KIAA1671: variants seen among roughly 807,000 people sequenced by gnomAD.
KIAA1671 encodes the protein KIAA1671, also known as uncharacterized protein KIAA1671.
Under a neutral mutation model 131.2 loss-of-function variants are expected in KIAA1671, and 52 were observed. The ratio of observed to expected loss-of-function variants is 0.40; its 90% CI spans 0.32 to 0.50. KIAA1671 has a LOEUF of 0.50. Among genes scored for constraint, KIAA1671 ranks in the 20% least tolerant of loss-of-function variants. KIAA1671 has a pLI of 0.73. For missense variants in KIAA1671, 2,360 were observed against 2,364.2 expected (o/e 1.00, Z 0.04); for synonymous variants, 1,003 against 961.6 (o/e 1.04, Z -0.80).
At chr22:25,048,728 G>T (rs1044478332) in intron 5 of KIAA1671, among the ~76,000 whole-genome samples, 2 of 152,188 alleles carry the variant, frequency 1.3e-5, no homozygotes, top group African/African-American at 4.8e-5. Context: ...GTCTATGCAT[G>T]TGTGTTTGGG....
At chr22:25,067,265 T>C (rs1429011110) in intron 6 of KIAA1671, among the ~76,000 whole-genome samples, 6 of 149,436 alleles carry the variant, frequency 4.0e-5, no homozygotes, top group Non-Finnish European at 7.4e-5. Flanking sequence ...ACTCGCCGGG[T>C]CTTGGACCTT....
rs550786666 is a variant in KIAA1671 at position 24,957,393 on chromosome 22, T to C, written c.-208+4621T>C. Among the ~76,000 whole-genome samples the C allele has an allele frequency of 5.9e-5, 9 of 152,226 alleles. No homozygotes were observed. The South Asian group carries it at 1.9e-3, about 32-fold the overall frequency. Reference sequence around the variant, plus strand: ...AAGTTAGACCATGGGCAGCAAAAATTCCTTTTATACCCCAGACACTCCCTG... The same window carrying C: ...AAGTTAGACCATGGGCAGCAAAAATCCCTTTTATACCCCAGACACTCCCTG... On this transcript the variant is annotated intron_variant, in intron 1 of 12. Coordinates refer to ENST00000358431, the MANE Select transcript of KIAA1671 (RefSeq NM_001145206.2).
In KIAA1671 at chr22:25,177,355, C is replaced by T. The variant is rs905081861; in HGVS notation, c.4907C>T (p.Ser1636Leu). ...TCCCTGCTGCTCCCAAAGCAAACCT[C>T]AGTCCTCGACTCAAGTGCCCTCAAG... is the stretch of plus-strand genomic sequence containing the variant. ...VDDFSFIDQT[S>L]VLDSSALKTR... is the part of the protein sequence containing the mutation. Residue 1636 changes from serine to leucine, a missense_variant, in exon 9 of 13, where the codon TCA becomes TTA. Coordinates refer to ENST00000358431, the MANE Select transcript of KIAA1671 (RefSeq NM_001145206.2). The T allele has an allele frequency of 7.7e-6, 12 of 1,549,240 alleles. No homozygotes were observed. The highest frequency in any genetic ancestry group is 1.0e-5 in the Non-Finnish European group (12 of 1,145,614).
chr22:24,960,973 G>C (rs1311902305), intron 1 of KIAA1671, among the ~76,000 whole-genome samples: 1 of 152,124 alleles, frequency 6.6e-6, no homozygotes, highest in Non-Finnish European at 1.5e-5. Flanking sequence ...GTTCTTATAA[G>C]TGACAACATT....
Position 25,028,828 on chromosome 22 carries a change from G to C in KIAA1671, c.829G>C (p.Val277Leu). The C allele has an allele frequency of 6.4e-7, 1 of 1,550,972 alleles. No homozygotes were observed. Among genetic ancestry groups the C allele is most frequent in the Non-Finnish European group, 8.7e-7 (1 of 1,146,874 alleles). ...VPPTPPEKTW[V>L]RKPRPLSMDL... is the part of the protein sequence containing the mutation. ...ACCCACCCCTCCCGAGAAGACGTGGGTGAGGAAGCCCAGGCCCTTGTCCAT... is the reference window on the plus strand; with the variant it reads ...ACCCACCCCTCCCGAGAAGACGTGGCTGAGGAAGCCCAGGCCCTTGTCCAT... Residue 277 changes from valine (V) to leucine (L), a missense_variant, in exon 3 of 13, where the codon GTG (valine) becomes CTG (leucine). Val to Leu is a conservative substitution (Grantham distance 32). Coordinates refer to ENST00000358431, the MANE Select transcript of KIAA1671 (RefSeq NM_001145206.2).
At position 25,134,442 on chromosome 22, in the gene KIAA1671, G is replaced by C. The variant is rs182419419; in HGVS notation, c.4531-36378G>C. Among the ~76,000 whole-genome samples, 327 of 151,952 alleles carry C rather than the reference G, an allele frequency of 2.2e-3. 1 individual carries two copies. The highest frequency in any genetic ancestry group is 7.2e-3 in the African/African-American group (298 of 41,414). ...ACTTTTATAGGCATGTGATGCATAC[G>C]GTTTTTTCATTATTGTTTTTAAAAG... is the stretch of plus-strand genomic sequence containing the variant. On this transcript the variant is annotated intron_variant, in intron 6 of 12. Coordinates refer to ENST00000358431, the MANE Select transcript of KIAA1671 (RefSeq NM_001145206.2).
Position 25,028,813 on chromosome 22 carries a change from C to T in KIAA1671, c.814C>T (p.Pro272Ser). 2 of 1,551,054 alleles carry T rather than the reference C, an allele frequency of 1.3e-6. No individual in the cohort carries two copies. Among genetic ancestry groups the T allele is most frequent in the South Asian group, 1.2e-5 (1 of 84,020 alleles). ...ATVGKVPPTP[P>S]EKTWVRKPRP... is the part of the protein sequence containing the mutation. ...AGTGGGCAAAGTGCCACCCACCCCTCCCGAGAAGACGTGGGTGAGGAAGCC... is the reference window on the plus strand; with the variant it reads ...AGTGGGCAAAGTGCCACCCACCCCTTCCGAGAAGACGTGGGTGAGGAAGCC... The change falls in exon 3 of 13, where the codon CCC (proline) becomes TCC (serine). Residue 272 changes from proline to serine, a missense_variant. Physicochemically the swap from Pro to Ser is moderately conservative, Grantham distance 74 (BLOSUM62 -1). Around this residue, in one of 3 missense-constraint regions of KIAA1671, gnomAD observed 1,185 missense variants for 1,126.2 expected, o/e 1.05. Coordinates refer to ENST00000358431, the MANE Select transcript of KIAA1671 (RefSeq NM_001145206.2).
At chr22:25,178,787 CCT>C (rs1330152930) in intron 9 of KIAA1671, among the ~76,000 whole-genome samples, 1 of 151,988 alleles carries the variant, frequency 6.6e-6, no homozygotes, top group Non-Finnish European at 1.5e-5. Flanking sequence ...CCACCCACCC[CCT>C]GCCAGTTCAA....
At chr22:25,000,184 GTTTTTTTTTTTTTTT>G (rs1184771280) in intron 1 of KIAA1671, among the ~76,000 whole-genome samples, 4 of 62,166 alleles carry the variant, frequency 6.4e-5, no homozygotes, top group Admixed American at 3.4e-4. Flanking sequence ...CTCCTCGCCT[GTTTTTTTTTTTTTTT>G]TTTTTTTTTT....
chr22:25,188,040 C>T (rs777484811), intron 11 of KIAA1671, among the ~76,000 whole-genome samples: 2 of 152,200 alleles, frequency 1.3e-5, no homozygotes, highest in Non-Finnish European at 1.5e-5. Flanking sequence ...GTGGCTCACA[C>T]CTGTACTCCC....
chr22:25,178,654 A>G (rs1056668896), intron 9 of KIAA1671, among the ~76,000 whole-genome samples: 1 of 151,962 alleles, frequency 6.6e-6, no homozygotes, highest in Non-Finnish European at 1.5e-5. Flanking sequence ...GAGAATGCCC[A>G]CTCCCCAGCA....
At chr22:25,016,455 G>A (rs763099983) in intron 1 of KIAA1671, among the ~76,000 whole-genome samples, 26 of 152,266 alleles carry the variant, frequency 1.7e-4, no homozygotes, top group African/African-American at 6.0e-4. Flanking sequence ...GGGTTGAGCC[G>A]AATCAGAATC....
intron 6 of KIAA1671, among the ~76,000 whole-genome samples, chr22:25,093,152 A>G (rs572337672): frequency 1.4e-4 from 21 of 152,334 alleles, no homozygotes; most frequent in Non-Finnish European, 3.1e-4. Context: ...CACAAACCCT[A>G]CAAAGCAATC....
chr22:25,017,022 G>A (rs1569207041), intron 1 of KIAA1671, among the ~76,000 whole-genome samples: 1 of 152,144 alleles, frequency 6.6e-6, no homozygotes, highest in African/African-American at 2.4e-5. Flanking sequence ...AAATTAAGGG[G>A]GTGGTTTATG....
At position 25,195,570 on chromosome 22, in the gene KIAA1671, A is replaced by G. The variant is rs1601402434; in HGVS notation, c.*3169A>G. The G allele has an allele frequency of 6.6e-6, 1 of 152,172 alleles. No individual in the cohort carries two copies. Among genetic ancestry groups the G allele is most frequent in the East Asian group, 1.9e-4 (1 of 5,188 alleles). 9.4% of individuals were successfully genotyped at this position (152,172 alleles called of 1,614,324 possible). Reference sequence around the variant, plus strand: ...GCCTCCCTGGAAGGGAGGCCAACTAAGGGTATCACCAAGAAGCCAAAAGAG... The same window carrying G: ...GCCTCCCTGGAAGGGAGGCCAACTAGGGGTATCACCAAGAAGCCAAAAGAG... On this transcript the variant is annotated 3_prime_UTR_variant, in exon 13 of 13. Transcript: ENST00000358431.
intron 6 of KIAA1671, among the ~76,000 whole-genome samples, chr22:25,132,900 C>A (rs1382521766): frequency 6.6e-6 from 1 of 151,932 alleles, no homozygotes. Context: ...ACTAAAAACA[C>A]GAAAATTAGC....
chr22:25,086,919 C>CA (rs1929755398), intron 6 of KIAA1671, among the ~76,000 whole-genome samples: 1 of 152,148 alleles, frequency 6.6e-6, no homozygotes, highest in Non-Finnish European at 1.5e-5. Flanking sequence ...ATGTTCTACT[C>CA]ACAGCCAGCC....
chr22:25,001,241 G>A (rs11703690), intron 1 of KIAA1671, among the ~76,000 whole-genome samples: 30,160 of 94,490 alleles, frequency 0.32, 3,384 homozygotes, highest in Middle Eastern at 0.44. Context: ...GTGTATATGT[G>A]TGTGTGTGTG....
chr22:25,105,761 C>T (rs902431148), intron 6 of KIAA1671, among the ~76,000 whole-genome samples: 4 of 151,288 alleles, frequency 2.6e-5, no homozygotes, highest in South Asian at 2.1e-4. Context: ...GGGCGCTTGT[C>T]GCCATCCAGA....
Sources: gnomAD v4.1 joint callset for allele counts (sites outside exome capture counted in the v4.1 genomes callset) on GRCh38, gnomAD v4.1.1 for gene constraint, gnomAD v4.1.1 regional missense constraint, MANE v1.5 for transcripts, NCBI Gene and HGNC (gene_info 2026-07-23, HGNC 2026-07-21) for gene names.